The following ARSL variants were observed in gnomAD, a reference collection of about 807,000 sequenced individuals.
ARSL encodes the protein arylsulfatase L.
Under a neutral mutation model 31.1 loss-of-function variants are expected in ARSL, and 4 were observed. The ratio of observed to expected loss-of-function variants is 0.13; its 90% CI spans 0.06 to 0.29. ARSL has a LOEUF of 0.29. Among genes scored for constraint, ARSL ranks in the 10% least tolerant of loss-of-function variants. The pLI, the probability that ARSL is intolerant of heterozygous loss-of-function variation, is 1.00. For synonymous variants in ARSL, 198 were observed against 209.9 expected (o/e 0.94, Z 0.49); for missense variants, 312 against 497.8 (o/e 0.63, Z 3.55).
intron 2 of ARSL, chrX:2,959,525 C>T: frequency 9.2e-7 from 1 of 1,091,746 alleles, no homozygotes; most frequent in Non-Finnish European, 1.2e-6. Context: ...ATCTGAGTCT[C>T]CAAGGTTTGT....
At chrX:2,945,040 G>C (rs1408284400) in intron 7 of ARSL, among the ~76,000 whole-genome samples, 3 of 110,325 alleles carry the variant, frequency 2.7e-5, no homozygotes, top group South Asian at 3.9e-4. Context: ...GGGAGGAGGA[G>C]AAAGGAGGAA....
At chrX:2,952,669 G>A (rs929292859) in intron 5 of ARSL, among the ~76,000 whole-genome samples, 17 of 112,292 alleles carry the variant, frequency 1.5e-4, no homozygotes, top group African/African-American at 5.2e-4. Flanking sequence ...AGAGCTGAAG[G>A]TGTTCAGTCT....
At chrX:2,962,709 G>A (rs911820475) in intron 1 of ARSL, among the ~76,000 whole-genome samples, 13 of 111,724 alleles carry the variant, frequency 1.2e-4, no homozygotes, top group African/African-American at 3.6e-4. Flanking sequence ...GAAAGACAAT[G>A]AGCTTTGTGA....
upstream of ARSL, among the ~76,000 whole-genome samples, chrX:2,965,653 C>A (rs1461752325): frequency 1.8e-5 from 2 of 111,842 alleles, no homozygotes; most frequent in Non-Finnish European, 3.8e-5. Context: ...GTAATCCCAG[C>A]GCTTTGGGAG....
Position 2,935,052 on chromosome X carries a change from G to A in ARSL, c.1550C>T (p.Ser517Leu), listed in dbSNP as rs747699123. 8 of 1,209,460 alleles carry A rather than the reference G, an allele frequency of 6.6e-6. No homozygotes were observed. In the African/African-American group the frequency reaches 7.0e-5, roughly 11 times the overall value. The change falls in exon 11 of 11, where the codon TCA (serine) becomes TTA (leucine). Residue 517 changes from serine (S) to leucine (L), a missense_variant. By Grantham distance (145) the Ser-to-Leu change is moderately radical. Transcript: ENST00000381134. ...HHDPPLLFDL[S>L]RDPSETHILT... ...GATGTGGGTCTCAGAAGGGTCTCTT[G>A]AGAGGTCAAAGAGCAAAGGTGGATC...
intron 7 of ARSL, among the ~76,000 whole-genome samples, chrX:2,944,996 G>C (rs2089353808): frequency 9.1e-6 from 1 of 109,420 alleles, no homozygotes; most frequent in Non-Finnish European, 1.9e-5. Context: ...GGAATATGAA[G>C]AAGAAGAATA....
rs1288624414 is a variant in ARSL, at chrX:2,948,765, A to G, written c.854+539T>C. On this transcript the variant is annotated intron_variant, in intron 6 of 10. Coordinates refer to ENST00000381134, the MANE Select transcript of ARSL (RefSeq NM_000047.3). ...CTCAGTCTCCCGAGTAGCTGGGATA[A>G]CAGGTGTGTACCACTATGCCCAGCT... Among the ~76,000 whole-genome samples the G allele has an allele frequency of 2.7e-5, 3 of 111,138 alleles. No homozygotes were observed. In the East Asian group the frequency reaches 8.5e-4, roughly 31 times the overall value.
At chrX:2,938,747 T>C (rs999256190) in intron 8 of ARSL, among the ~76,000 whole-genome samples, 1 of 111,687 alleles carries the variant, frequency 9.0e-6, no homozygotes, top group African/African-American at 3.3e-5. Context: ...CCAGAGCCTA[T>C]AAATGAGACT....
Position 2,955,545 on chromosome X carries a change from G to A in ARSL, c.186-8C>T. On this transcript the variant is annotated splice_polypyrimidine_tract_variant and splice_region_variant and intron_variant, in intron 3 of 10. Coordinates refer to ENST00000381134, the MANE Select transcript of ARSL (RefSeq NM_000047.3). The stretch of plus-strand genomic sequence containing the variant: ...CGGTCAATATTCGGAGTCCTATGGA[G>A]GGACAAATTAACAGCTTTACTTGTT... The A allele has an allele frequency of 8.3e-7, 1 of 1,210,349 alleles. No individual in the cohort carries two copies. The highest frequency in any genetic ancestry group is 1.1e-6 in the Non-Finnish European group (1 of 894,722).
chrX:2,960,353 A>C (rs770428541), intron 2 of ARSL, 25 bp downstream of exon 2: 13 of 975,730 alleles, frequency 1.3e-5, no homozygotes, highest in Admixed American at 1.1e-4. Context: ...GAGACTACTA[A>C]TGAGTGCATA....
chrX:2,946,609 C>T (rs2089387782), intron 6 of ARSL, among the ~76,000 whole-genome samples: 1 of 102,099 alleles, frequency 9.8e-6, no homozygotes, highest in Non-Finnish European at 2.0e-5. Flanking sequence ...CTGCCCATCT[C>T]GGCCTTCCAA....
Position 2,945,960 on chromosome X carries a change from G to C in ARSL, c.991+38C>G, listed in dbSNP as rs181947993. On this transcript the variant is annotated intron_variant, in intron 7 of 10. Coordinates refer to ENST00000381134, the MANE Select transcript of ARSL (RefSeq NM_000047.3). ...GTTTCCTTTCCTGCTTCTATTGCTGGAAGGGAAGCAGCCCATTTTCCCTGG... is the reference window on the plus strand; with the variant it reads ...GTTTCCTTTCCTGCTTCTATTGCTGCAAGGGAAGCAGCCCATTTTCCCTGG... 8 of 1,206,493 alleles carry C rather than the reference G, an allele frequency of 6.6e-6. No homozygotes were observed. In the South Asian group the frequency reaches 1.4e-4, roughly 21 times the overall value.
intron 2 of ARSL, chrX:2,959,754 C>T (rs898902508): frequency 4.2e-5 from 47 of 1,122,593 alleles, no homozygotes; most frequent in Non-Finnish European, 5.4e-5. Context: ...TGAGAAAGCA[C>T]CATCAAGAGA....
intron 6 of ARSL, among the ~76,000 whole-genome samples, 188 bp from the exon 7 acceptor site, chrX:2,946,322 CTTTTTTTTTTTTTTT>C (rs747661858): frequency 1.4e-5 from 1 of 69,120 alleles, no homozygotes; most frequent in South Asian, 7.7e-4. Context: ...AACAATCTTC[CTTTTTTTTTTTTTTT>C]TTTTTTTTTG....
intron 1 of ARSL, among the ~76,000 whole-genome samples, chrX:2,961,858 G>GT (rs772533894): frequency 0.084 from 7,708 of 92,054 alleles, 304 homozygotes; most frequent in Non-Finnish European, 0.12. Context: ...GGATCCCAGG[G>GT]TTTTTTTTTT....
At chrX:2,960,135 G>C (rs6641673) in intron 2 of ARSL, among the ~76,000 whole-genome samples, 1 of 76,706 alleles carries the variant, frequency 1.3e-5, no homozygotes, top group Non-Finnish European at 2.8e-5. Context: ...CGGGCGTGGT[G>C]GCAGGCGCCT....
chrX:2,961,341 G>T (rs986989513), intron 1 of ARSL, among the ~76,000 whole-genome samples: 1 of 111,235 alleles, frequency 9.0e-6, no homozygotes, highest in Non-Finnish European at 1.9e-5. Context: ...GGGTACTGCA[G>T]TGGTCTGACC....
chrX:2,948,447 G>A (rs1384240361), intron 6 of ARSL, among the ~76,000 whole-genome samples: 5 of 111,297 alleles, frequency 4.5e-5, no homozygotes, highest in Non-Finnish European at 9.4e-5. Context: ...GTGGTGATCC[G>A]AGGATGCTAA....
rs181353065 is a variant in ARSL at position 2,944,238 on chromosome X, A to G, written c.992-1039T>C. ...TGGGAGGCTGAGGCGGGCGGATCAC[A>G]AGGTCAGCAGTTCGAGACCAGCCTG... On this transcript the variant is annotated intron_variant, in intron 7 of 10. Transcript: ENST00000381134. Among the ~76,000 whole-genome samples, 879 of 108,773 alleles carry G rather than the reference A, an allele frequency of 8.1e-3. 8 individuals are homozygous for G. Among genetic ancestry groups the G allele is most frequent in the African/African-American group, 0.026 (790 of 29,887 alleles). 94.5% of individuals were successfully genotyped at this position (108,773 alleles called of 115,157 possible).
Sources: gnomAD v4.1 joint callset for allele counts (sites outside exome capture counted in the v4.1 genomes callset) on GRCh38, gnomAD v4.1.1 for gene constraint, MANE v1.5 for transcripts, NCBI Gene and HGNC (gene_info 2026-07-23, HGNC 2026-07-21) for gene names.